Variants in EHD3 observed in about 807,000 individuals in gnomAD.
The protein encoded by EHD3 is EH domain-containing protein 3.
A neutral mutation model predicts 43.0 loss-of-function variants in EHD3; 17 were observed. The observed-to-expected ratio is 0.40, with a 90% CI of 0.27 to 0.59. The LOEUF is 0.59. Ranked by LOEUF, EHD3 falls within the 20% of genes least tolerant of loss-of-function variation. The pLI is 0.49. For synonymous variants in EHD3, 313 were observed against 289.5 expected (o/e 1.08, Z -0.82); for missense variants, 594 against 705.6 (o/e 0.84, Z 1.79).
chr2:31,261,801 C>T, intron 5 of EHD3, 88 bp downstream of exon 5: 9 of 1,493,214 alleles, frequency 6.0e-6, no homozygotes, highest in South Asian at 1.3e-5. Context: ...ACTCTTGGAG[C>T]CCCCCAGGGA....
At chr2:31,242,740 C>G (rs965789421) in intron 1 of EHD3, among the ~76,000 whole-genome samples, 1 of 152,090 alleles carries the variant, frequency 6.6e-6, no homozygotes, top group African/African-American at 2.4e-5. Context: ...AGGTGGATCA[C>G]CTGAGGTCGG....
chr2:31,256,774 G>A (rs1192164904), intron 3 of EHD3, among the ~76,000 whole-genome samples: 1 of 152,204 alleles, frequency 6.6e-6, no homozygotes, highest in Non-Finnish European at 1.5e-5. Flanking sequence ...TCCCTTCTCT[G>A]CAGCTTCTCT....
Position 31,244,506 on chromosome 2 carries a change from G to T in EHD3, c.404+56G>T. 7 of 1,573,438 alleles carry T rather than the reference G, an allele frequency of 4.4e-6. No homozygotes were observed. The South Asian group carries it at 8.2e-5, about 18-fold the overall frequency. On this transcript the variant is annotated intron_variant, in intron 2 of 5. Coordinates refer to ENST00000322054, the MANE Select transcript of EHD3 (RefSeq NM_014600.3). ...GTGCTCTCTTTTCTTCTTGGGGTAT[G>T]GGGAGTGAAAGAACAGTAGGCAGGG...
chr2:31,237,429 G>A (rs1427708535), intron 1 of EHD3, among the ~76,000 whole-genome samples: 1 of 151,864 alleles, frequency 6.6e-6, no homozygotes, highest in Non-Finnish European at 1.5e-5. Flanking sequence ...TTTTGAGATG[G>A]AGTCTCACTG....
At position 31,234,272 on chromosome 2, in the gene EHD3, G is replaced by C. The variant is rs1382899507; in HGVS notation, c.-350G>C. On this transcript the variant is annotated 5_prime_UTR_variant, in exon 1 of 6. Transcript: ENST00000322054. ...GCTGCACGCAGGGCAGAGCAGGCGA[G>C]GGCTGGGGGCCGATCGGGGACCCCG... 2.9e-6 allele frequency: 1 copy of C among 344,508 alleles called. No homozygotes were observed. Among genetic ancestry groups the C allele is most frequent in the East Asian group, 8.1e-5 (1 of 12,392 alleles). 21.3% of individuals were successfully genotyped at this position (344,508 alleles called of 1,614,324 possible).
chr2:31,264,242 G>GT (rs2148724522), intron 5 of EHD3, among the ~76,000 whole-genome samples: 1 of 152,314 alleles, frequency 6.6e-6, no homozygotes, highest in African/African-American at 2.4e-5. Context: ...GTAGGCAATT[G>GT]TAACACCATG....
Position 31,269,298 on chromosome 2 carries a change from C to T in EHD3, c.*2594C>T, listed in dbSNP as rs1256819463. 6.6e-6 allele frequency: 1 copy of T among 152,206 alleles called. No homozygotes were observed. Among genetic ancestry groups the T allele is most frequent in the African/African-American group, 2.4e-5 (1 of 41,450 alleles). The allele number at this position is 152,206 out of a possible 1,614,324, so 9.4% of individuals were successfully genotyped here. A position where few individuals can be genotyped will look rare whatever the true frequency, so the allele number is the denominator to read the frequency against. On this transcript the variant is annotated 3_prime_UTR_variant, in exon 6 of 6. Transcript: ENST00000322054. ...ACACAGCAACACCCTATGCTACTGA[C>T]CAAGCAAAGCTTGCCCCTGGTACCA...
At chr2:31,249,558 C>A in intron 3 of EHD3, 90 bp downstream of exon 3, 2 of 1,138,304 alleles carry the variant, frequency 1.8e-6, no homozygotes, top group Non-Finnish European at 2.6e-6. Context: ...GCACCCAGGG[C>A]CATGCTGTCC....
At chr2:31,261,863 T>C in intron 5 of EHD3, 150 bp downstream of exon 5, 1 of 964,600 alleles carries the variant, frequency 1.0e-6, no homozygotes, top group Non-Finnish European at 1.5e-6. Context: ...TCTACACTCC[T>C]AGCTGGGCCA....
At chr2:31,248,175 C>T (rs911775668) in intron 2 of EHD3, among the ~76,000 whole-genome samples, 5 of 152,228 alleles carry the variant, frequency 3.3e-5, no homozygotes, top group Non-Finnish European at 5.9e-5. Context: ...CTCTATGCTG[C>T]TGAGTGGTCC....
Position 31,259,067 on chromosome 2 carries a change from A to T in EHD3, c.503-1443A>T, listed in dbSNP as rs143226680. Among the ~76,000 whole-genome samples, 13 of 152,222 alleles carry T rather than the reference A, an allele frequency of 8.5e-5. No homozygotes were observed. The East Asian group carries it at 2.3e-3, about 27-fold the overall frequency. ...CTTTTTCCTAATGATTTGGTTTCCC[A>T]TTCGATGGTGGCAATGAGCTTTGGG... On this transcript the variant is annotated intron_variant, in intron 3 of 5. Coordinates refer to ENST00000322054, the MANE Select transcript of EHD3 (RefSeq NM_014600.3).
At position 31,266,261 on chromosome 2, in the gene EHD3, G is replaced by A. The variant is rs1354935794; in HGVS notation, c.1165G>A (p.Asp389Asn). 6.2e-7 allele frequency: 1 copy of A among 1,614,222 alleles called. No homozygotes were observed. Among genetic ancestry groups the A allele is most frequent in the Non-Finnish European group, 8.5e-7 (1 of 1,180,042 alleles). The change falls in exon 6 of 6, where the codon GAC (aspartate) becomes AAC (asparagine). Residue 389 changes from aspartate (D) to asparagine (N), a missense_variant. Transcript: ENST00000322054. The surrounding 1 kb of genome is among the most constrained non-coding windows in gnomAD (Gnocchi z 5.1). ...GGTAGTGGACGACATGCTGGCCCATGACATTGCCCAGCTCATGGTGCTAGT... is the reference window on the plus strand; with the variant it reads ...GGTAGTGGACGACATGCTGGCCCATAACATTGCCCAGCTCATGGTGCTAGT... The part of the protein sequence containing the change: ...LEVVDDMLAH[D>N]IAQLMVLVRQ...
At chr2:31,242,817 G>A (rs1273353188) in intron 1 of EHD3, among the ~76,000 whole-genome samples, 10 of 152,008 alleles carry the variant, frequency 6.6e-5, no homozygotes, top group East Asian at 3.9e-4. Context: ...AAAATTAGCC[G>A]GGCGTGGTGG....
chr2:31,266,436 T>A lies in EHD3; in HGVS notation c.1340T>A (p.Met447Lys), dbSNP rs1683952474. Residue 447 changes from methionine (M) to lysine (K), a missense_variant, in exon 6 of 6, where the codon ATG (methionine) becomes AAG (lysine). Met to Lys is a moderately conservative substitution (Grantham distance 95). Around this residue, in one of 3 missense-constraint regions of EHD3, gnomAD observed 322 missense variants for 348.0 expected, o/e 0.93. Transcript: ENST00000322054. This position sits in a 1 kb window ranked among gnomAD's most constrained non-coding sequence, Gnocchi z 5.1. ...TGGGTGGTGGCCAGGGACAAGCCCATGTACGACGAGATCTTCTACACCCTG... is the reference window on the plus strand; with the variant it reads ...TGGGTGGTGGCCAGGGACAAGCCCAAGTACGACGAGATCTTCTACACCCTG... ...AEWVVARDKP[M>K]YDEIFYTLSP... 13 of 1,613,754 alleles carry A rather than the reference T, an allele frequency of 8.1e-6. No homozygotes were observed. The highest frequency in any genetic ancestry group is 1.3e-5 in the African/African-American group (1 of 74,820).
intron 3 of EHD3, among the ~76,000 whole-genome samples, chr2:31,256,992 T>C (rs1382047334): frequency 6.6e-6 from 1 of 151,980 alleles, no homozygotes; most frequent in African/African-American, 2.4e-5. Flanking sequence ...AGCCAATATA[T>C]TGGGGCTGAG....
chr2:31,243,838 G>A lies in EHD3; in HGVS notation c.228-436G>A, dbSNP rs922155456. On this transcript the variant is annotated intron_variant, in intron 1 of 5. Coordinates refer to ENST00000322054, the MANE Select transcript of EHD3 (RefSeq NM_014600.3). ...CTATTTTTATATTAAAGAACTAACC[G>A]GTTAAATAAAGACCTATGAAAACCC... Among the ~76,000 whole-genome samples the A allele has an allele frequency of 9.2e-5, 14 of 152,112 alleles. No individual in the cohort carries two copies. The South Asian group carries it at 1.5e-3, about 16-fold the overall frequency.
At chr2:31,239,043 C>T (rs1683372431) in intron 1 of EHD3, among the ~76,000 whole-genome samples, 1 of 152,178 alleles carries the variant, frequency 6.6e-6, no homozygotes. Flanking sequence ...ACTGAGCTGG[C>T]CCTTTCAGCT....
chr2:31,257,448 AG>A (rs199552553), intron 3 of EHD3, among the ~76,000 whole-genome samples: 4,627 of 142,164 alleles, frequency 0.033, 215 homozygotes, highest in African/African-American at 0.11. Context: ...CGTGCCAGGG[AG>A]GGAGGGAGGG....
chr2:31,239,745 C>T (rs1036699639), intron 1 of EHD3, among the ~76,000 whole-genome samples: 16 of 152,194 alleles, frequency 1.1e-4, no homozygotes, highest in Admixed American at 9.8e-4. Flanking sequence ...CATTACTGAC[C>T]GGATTCGGGG....
Sources: gnomAD v4.1 joint callset for allele counts (sites outside exome capture counted in the v4.1 genomes callset) on GRCh38, gnomAD v4.1.1 for gene constraint, gnomAD v4.1.1 regional missense constraint, Gnocchi (gnomAD v3.1) non-coding constraint, MANE v1.5 for transcripts, NCBI Gene and HGNC (gene_info 2026-07-23, HGNC 2026-07-21) for gene names.